CEP63: variants seen among roughly 807,000 people sequenced by gnomAD.
CEP63 encodes the protein centrosomal protein 63, also known as centrosomal protein of 63 kDa.
In CEP63, 84 loss-of-function variants were observed where a neutral mutation model predicts 89.1. That is an observed-to-expected ratio of 0.94 (90% confidence interval 0.79 to 1.13). CEP63 has a LOEUF of 1.13. Among genes scored for constraint, CEP63 ranks in the 50% most tolerant of loss-of-function variants. CEP63 has a pLI of 0.00. For missense variants in CEP63, 838 were observed against 813.3 expected, an observed-to-expected ratio of 1.03 and a Z score of -0.37; for synonymous variants, 267 against 272.5, an observed-to-expected ratio of 0.98 and a Z score of 0.20.
At chr3:134,548,439 G>A (rs766462204) in intron 9 of CEP63, among the ~76,000 whole-genome samples, 30 of 152,148 alleles carry the variant, frequency 2.0e-4, no homozygotes, top group Non-Finnish European at 3.4e-4. Context: ...ACTTGTCATT[G>A]TCGTACTTAT....
the CEP63 span, chr3:134,650,918 G>A: frequency 6.2e-7 from 1 of 1,613,330 alleles, no homozygotes; most frequent in Admixed American, 1.7e-5. Context: ...ACGATCAGCA[G>A]CATGTCGATA....
At chr3:134,608,874 C>T in the CEP63 span, 8 of 1,580,258 alleles carry the variant, frequency 5.1e-6, no homozygotes, top group South Asian at 9.4e-5. Context: ...CAGCCAGCTC[C>T]ATGCAGGGGA....
intron 3 of CEP63, among the ~76,000 whole-genome samples, chr3:134,523,290 T>C (rs1947898047): frequency 6.6e-6 from 1 of 152,220 alleles, no homozygotes; most frequent in South Asian, 2.1e-4. Context: ...TTATAGATGC[T>C]GGATACTAGT....
chr3:134,529,636 C>T (rs577155596), intron 3 of CEP63, among the ~76,000 whole-genome samples: 61 of 151,350 alleles, frequency 4.0e-4, no homozygotes, highest in African/African-American at 1.2e-3. Flanking sequence ...CCACCGCACC[C>T]GGCCCCAACA....
downstream of CEP63, among the ~76,000 whole-genome samples, chr3:134,589,568 G>T (rs1245285325): frequency 1.4e-5 from 2 of 140,780 alleles, no homozygotes; most frequent in African/African-American, 5.3e-5. Context: ...ATACCAGTCA[G>T]AATGGCTATT....
chr3:134,701,424 G>A, the CEP63 span, among the ~76,000 whole-genome samples: 12 of 83,186 alleles, frequency 1.4e-4, 1 homozygote, highest in Non-Finnish European at 1.5e-4. Context: ...ATATATATAC[G>A]TATATATGTG....
the CEP63 span, among the ~76,000 whole-genome samples, chr3:134,727,402 A>G: frequency 6.6e-6 from 1 of 152,214 alleles, no homozygotes; most frequent in Non-Finnish European, 1.5e-5. Context: ...TGCTTGGCAA[A>G]CACAGATTGA....
At chr3:134,553,194 A>C (rs1332422940) in intron 12 of CEP63, 2 of 152,142 alleles carry the variant, frequency 1.3e-5, no homozygotes, top group Non-Finnish European at 2.9e-5. Flanking sequence ...CTAATTTCAC[A>C]ATCCAGGATT....
At chr3:134,707,841 T>TTGAAGGCC in the CEP63 span, among the ~76,000 whole-genome samples, 41 of 147,510 alleles carry the variant, frequency 2.8e-4, 1 homozygote, top group East Asian at 6.7e-3. Context: ...TGAAGCCCTA[T>TTGAAGGCC]TGAAGGCCCC....
the CEP63 span, among the ~76,000 whole-genome samples, chr3:134,736,037 C>A: frequency 3.9e-5 from 6 of 152,060 alleles, no homozygotes; most frequent in Admixed American, 1.3e-4. Flanking sequence ...AATCTGAACC[C>A]AAAGGCGAGT....
the CEP63 span, among the ~76,000 whole-genome samples, chr3:134,730,334 G>A: frequency 6.6e-6 from 1 of 152,154 alleles, no homozygotes; most frequent in Non-Finnish European, 1.5e-5. Context: ...GAGGCAGGTT[G>A]GGGATATTCT....
At chr3:134,644,016 G>A in the CEP63 span, among the ~76,000 whole-genome samples, 87,965 of 151,800 alleles carry the variant, frequency 0.58, 26,555 homozygotes, top group East Asian at 0.89. Context: ...TAGTAGAGAC[G>A]GGGTTTCACC....
the CEP63 span, among the ~76,000 whole-genome samples, chr3:134,604,914 C>G: frequency 6.6e-6 from 1 of 152,306 alleles, no homozygotes; most frequent in Non-Finnish European, 1.5e-5. Flanking sequence ...AGTGTCAATG[C>G]TGTCATGTCA....
downstream of CEP63, among the ~76,000 whole-genome samples, chr3:134,569,054 A>G (rs763635673): frequency 6.6e-6 from 1 of 152,204 alleles, no homozygotes. Flanking sequence ...TGCGAGACTT[A>G]TTCACCATCA....
At chr3:134,485,991 G>GGCCCC, upstream of CEP63, 97 of 938,008 alleles carry the variant, frequency 1.0e-4, no homozygotes, top group African/African-American at 1.2e-4. Context: ...CTCCTGCCAC[G>GGCCCC]CCCCCCCCCC....
the CEP63 span, among the ~76,000 whole-genome samples, chr3:134,713,743 A>G: frequency 7.9e-5 from 12 of 152,194 alleles, no homozygotes; most frequent in African/African-American, 2.9e-4. Flanking sequence ...CTGTTTAGGA[A>G]TGCTCTGGAA....
intron 3 of CEP63, among the ~76,000 whole-genome samples, chr3:134,515,336 T>A (rs1010782886): frequency 1.3e-5 from 2 of 152,094 alleles, no homozygotes; most frequent in African/African-American, 4.8e-5. Context: ...TCAAAATAGG[T>A]TTGTTAAATG....
the CEP63 span, among the ~76,000 whole-genome samples, chr3:134,602,463 G>C: frequency 6.6e-5 from 10 of 152,280 alleles, no homozygotes; most frequent in South Asian, 2.1e-4. Flanking sequence ...TGTTTTCTCC[G>C]AGACAGGCAC....
chr3:134,627,781 C>T, the CEP63 span: 2 of 1,613,904 alleles, frequency 1.2e-6, no homozygotes, highest in East Asian at 2.2e-5. Flanking sequence ...CTCCAGGTTG[C>T]CGGGGTCTTG....
Sources: gnomAD v4.1 joint callset for allele counts (sites outside exome capture counted in the v4.1 genomes callset) on GRCh38, gnomAD v4.1.1 for gene constraint, MANE v1.5 for transcripts, NCBI Gene and HGNC (gene_info 2026-07-23, HGNC 2026-07-21) for gene names.